Variants in TENM2 observed in about 807,000 individuals in gnomAD.
The protein encoded by TENM2 is teneurin transmembrane protein 2.
A neutral mutation model predicts 245.2 loss-of-function variants in TENM2; 52 were observed. That is an observed-to-expected ratio of 0.21 (90% CI 0.17 to 0.27). The LOEUF is 0.27. TENM2 is among the 10% of genes least tolerant of loss of function. TENM2 has a pLI of 1.00. For missense variants in TENM2, 3,046 were observed against 3,666.8 expected (o/e 0.83, Z 4.37); for synonymous variants, 1,363 against 1,438.9 (o/e 0.95, Z 1.19).
chr5:167,111,806 A>G, the TENM2 span, among the ~76,000 whole-genome samples: 1 of 152,208 alleles, frequency 6.6e-6, no homozygotes. Flanking sequence ...CACTAGTACA[A>G]TACAATTATT....
intron 2 of TENM2, among the ~76,000 whole-genome samples, chr5:167,804,613 T>C (rs1435139737): frequency 6.6e-6 from 1 of 152,088 alleles, no homozygotes; most frequent in Non-Finnish European, 1.5e-5. Context: ...AAACTGAGGC[T>C]CAGATAGATC....
At chr5:167,485,617 G>A (rs985124629) in intron 2 of TENM2, among the ~76,000 whole-genome samples, 1 of 152,100 alleles carries the variant, frequency 6.6e-6, no homozygotes, top group Non-Finnish European at 1.5e-5. Flanking sequence ...CTGAGAGATC[G>A]TCTCATAGCT....
chr5:167,363,254 G>T (rs893365635), intron 1 of TENM2, among the ~76,000 whole-genome samples: 2 of 152,262 alleles, frequency 1.3e-5, no homozygotes, highest in African/African-American at 2.4e-5. Flanking sequence ...GAGCAACAAG[G>T]ACATGAAACT....
the TENM2 span, among the ~76,000 whole-genome samples, chr5:167,079,645 A>G: frequency 6.6e-6 from 1 of 151,754 alleles, no homozygotes; most frequent in African/African-American, 2.4e-5. Flanking sequence ...TTTTATATAC[A>G]TACATAATAA....
At chr5:167,148,937 T>A in the TENM2 span, among the ~76,000 whole-genome samples, 1 of 152,322 alleles carries the variant, frequency 6.6e-6, no homozygotes, top group African/African-American at 2.4e-5. Context: ...GTGAGTATCT[T>A]GACAAATACT....
At chr5:167,241,238 T>C in the TENM2 span, among the ~76,000 whole-genome samples, 1 of 152,266 alleles carries the variant, frequency 6.6e-6, no homozygotes, top group East Asian at 1.9e-4. Flanking sequence ...TAATTGTATA[T>C]ACAGCATAGT....
At chr5:167,657,018 T>C (rs915785718) in intron 2 of TENM2, among the ~76,000 whole-genome samples, 1 of 152,000 alleles carries the variant, frequency 6.6e-6, no homozygotes, top group Non-Finnish European at 1.5e-5. Context: ...ATATTATTGT[T>C]TACTGTAGTC....
intron 2 of TENM2, among the ~76,000 whole-genome samples, chr5:167,834,234 G>A (rs1210750713): frequency 1.3e-5 from 2 of 152,194 alleles, no homozygotes; most frequent in African/African-American, 4.8e-5. Context: ...TTCTGAGGAG[G>A]TAAATTTTGA....
intron 2 of TENM2, among the ~76,000 whole-genome samples, chr5:167,566,210 T>C (rs1383799984): frequency 6.6e-6 from 1 of 151,728 alleles, no homozygotes; most frequent in African/African-American, 2.4e-5. Flanking sequence ...AAGAGTTAAA[T>C]AGGGGAGCTA....
At chr5:167,499,749 T>C (rs1400266829) in intron 2 of TENM2, among the ~76,000 whole-genome samples, 25 of 152,116 alleles carry the variant, frequency 1.6e-4, no homozygotes, top group Admixed American at 1.6e-3. Context: ...ACTTGGTTCA[T>C]AGGTATTTGC....
the TENM2 span, among the ~76,000 whole-genome samples, chr5:167,060,961 T>C: frequency 6.6e-6 from 1 of 152,082 alleles, no homozygotes; most frequent in Non-Finnish European, 1.5e-5. Context: ...TTCCCCAGAC[T>C]TACAGAATTA....
At chr5:167,941,736 C>T (rs544558150) in intron 3 of TENM2, among the ~76,000 whole-genome samples, 84 of 151,866 alleles carry the variant, frequency 5.5e-4, no homozygotes, top group African/African-American at 2.0e-3. Context: ...TGCCTGTAGT[C>T]CCACCTACTT....
At chr5:167,820,513 G>A (rs1265116664) in intron 2 of TENM2, among the ~76,000 whole-genome samples, 2 of 152,226 alleles carry the variant, frequency 1.3e-5, no homozygotes, top group African/African-American at 4.8e-5. Context: ...GTGCCAGGGA[G>A]AAGCCAACAG....
At chr5:168,194,411 A>G (rs1023830930) in intron 14 of TENM2, among the ~76,000 whole-genome samples, 1 of 152,160 alleles carries the variant, frequency 6.6e-6, no homozygotes, top group African/African-American at 2.4e-5. Context: ...AGTTCTAGTT[A>G]CTGTGTCTGG....
intron 1 of TENM2, among the ~76,000 whole-genome samples, chr5:167,358,677 T>C (rs1003479004): frequency 2.6e-5 from 4 of 151,960 alleles, no homozygotes; most frequent in African/African-American, 9.7e-5. Flanking sequence ...TACATGGCAA[T>C]GACTCCCAAA....
chr5:167,436,230 G>A (rs1196677496), intron 2 of TENM2, among the ~76,000 whole-genome samples: 2 of 151,262 alleles, frequency 1.3e-5, no homozygotes, highest in Non-Finnish European at 2.9e-5. Flanking sequence ...GGGATTACAG[G>A]TGCCTACCAC....
intron 2 of TENM2, among the ~76,000 whole-genome samples, chr5:167,560,329 C>G (rs1157352603): frequency 6.6e-6 from 1 of 151,830 alleles, no homozygotes; most frequent in East Asian, 1.9e-4. Flanking sequence ...TTATACTCTT[C>G]ATTTTGCATG....
intron 8 of TENM2, among the ~76,000 whole-genome samples, chr5:168,095,952 C>T (rs1374384178): frequency 1.3e-5 from 2 of 152,224 alleles, no homozygotes; most frequent in African/African-American, 2.4e-5. Context: ...TCCCTCAGGT[C>T]GGGTGATGCC....
chr5:167,631,329 G>C lies in TENM2; in HGVS notation c.503-244657G>C, dbSNP rs549718443. The stretch of plus-strand genomic sequence containing the variant: ...TCTGGGTACAGCACACTCACTGAGA[G>C]TGTGACATTTGAGCCAAGGCTTGAA... On this transcript the variant is annotated intron_variant, in intron 2 of 28. Transcript: ENST00000518659. 1.6e-3 allele frequency among the ~76,000 whole-genome samples: 237 copies of C among 152,288 alleles called. 1 individual carries two copies. The highest frequency in any genetic ancestry group is 2.8e-3 in the Non-Finnish European group (190 of 68,026).
Sources: allele counts gnomAD v4.1 joint callset (sites outside exome capture counted in the v4.1 genomes callset), GRCh38; gene constraint gnomAD v4.1.1; transcripts MANE v1.5; gene names NCBI Gene and HGNC (gene_info 2026-07-23, HGNC 2026-07-21).